Variants in MYCBP2 observed in about 807,000 individuals in gnomAD.
MYCBP2 encodes E3 ubiquitin-protein ligase MYCBP2.
A neutral mutation model predicts 525.3 loss-of-function variants in MYCBP2; 120 were observed. The observed-to-expected ratio is 0.23, with a 90% CI of 0.20 to 0.27. The LOEUF (loss-of-function observed/expected upper bound fraction) is 0.27, where lower values mean the gene tolerates loss of function less well. Ranked by LOEUF, MYCBP2 falls within the 10% of genes least tolerant of loss-of-function variation. The pLI is 1.00. For synonymous variants in MYCBP2, 1,894 were observed against 1,955.8 expected (o/e 0.97, Z 0.83); for missense variants, 4,149 against 5,657.1 (o/e 0.73, Z 8.55).
At chr13:77,262,030 T>A (rs375263043) in intron 11 of MYCBP2, 23 bp downstream of exon 11, 2 of 1,593,968 alleles carry the variant, frequency 1.3e-6, no homozygotes, top group Non-Finnish European at 1.7e-6. Flanking sequence ...ATGCTCATTT[T>A]TAATCCAAAG....
chr13:77,084,437 T>C (rs1168900944), intron 62 of MYCBP2, among the ~76,000 whole-genome samples: 3 of 152,220 alleles, frequency 2.0e-5, no homozygotes, highest in Admixed American at 1.3e-4. Flanking sequence ...CTTCTACTGA[T>C]ATAGAAGTTC....
At chr13:77,139,437 G>A in intron 51 of MYCBP2, 101 bp from the exon 52 acceptor site, 4 of 1,263,430 alleles carry the variant, frequency 3.2e-6, no homozygotes, top group South Asian at 3.9e-5. Flanking sequence ...TGGTGCATGT[G>A]CAGATTAAGC....
intron 1 of MYCBP2, among the ~76,000 whole-genome samples, chr13:77,308,391 A>G (rs146803783): frequency 6.6e-6 from 1 of 152,296 alleles, no homozygotes; most frequent in African/African-American, 2.4e-5. Flanking sequence ...GGTTAAGAGT[A>G]CAGAATTTAG....
chr13:77,111,073 C>CAGAA lies in MYCBP2; in HGVS notation c.8140+10296_8140+10299dup, dbSNP rs1376020452. Reference sequence around the variant, plus strand: ...TAAGTAATGAGATATACTACAGGTACAGAAGTTTGAGAGAATAACAAAGTG... The same window carrying CAGAA: ...TAAGTAATGAGATATACTACAGGTACAGAAAGAAGTTTGAGAGAATAACAAAGTG... On this transcript the variant is annotated intron_variant, in intron 55 of 82. Transcript: ENST00000544440. Among the ~76,000 whole-genome samples, 3 of 152,068 alleles carry CAGAA rather than the reference C, an allele frequency of 2.0e-5. No individual in the cohort carries two copies. The South Asian group carries it at 6.2e-4, about 32-fold the overall frequency.
chr13:77,242,465 A>G (rs980056375), intron 17 of MYCBP2, among the ~76,000 whole-genome samples: 5 of 152,170 alleles, frequency 3.3e-5, no homozygotes, highest in Non-Finnish European at 1.5e-5. Flanking sequence ...AACAATGAGG[A>G]AAAGATAAAC....
chr13:77,294,557 C>T (rs546205923), intron 2 of MYCBP2, among the ~76,000 whole-genome samples: 1 of 152,248 alleles, frequency 6.6e-6, no homozygotes, highest in Non-Finnish European at 1.5e-5. Context: ...CTTCTCCTCA[C>T]CTCTTCCTGG....
At chr13:77,092,393 GACT>G (rs1384224971) in intron 59 of MYCBP2, 1 of 151,842 alleles carries the variant, frequency 6.6e-6, no homozygotes, top group East Asian at 1.9e-4. Context: ...GTCACTGTGA[GACT>G]ACCTTTGCAT....
chr13:77,322,162 T>C (rs1698808003), intron 1 of MYCBP2, among the ~76,000 whole-genome samples: 1 of 152,112 alleles, frequency 6.6e-6, no homozygotes, highest in African/African-American at 2.4e-5. Context: ...AATAAAATAA[T>C]CCCTGAACTT....
At chr13:77,131,199 C>A in intron 52 of MYCBP2, among the ~76,000 whole-genome samples, 1 of 152,076 alleles carries the variant, frequency 6.6e-6, no homozygotes, top group East Asian at 1.9e-4. Context: ...ATTTGACTAA[C>A]AGAAAGCTGG....
At chr13:77,246,498 A>G (rs1383606019) in intron 15 of MYCBP2, among the ~76,000 whole-genome samples, 1 of 151,642 alleles carries the variant, frequency 6.6e-6, no homozygotes, top group African/African-American at 2.4e-5. Flanking sequence ...AGAAGGAAGA[A>G]GGAAAAGAAG....
At chr13:77,178,276 TA>T (rs1377644100) in intron 34 of MYCBP2, among the ~76,000 whole-genome samples, 1 of 152,196 alleles carries the variant, frequency 6.6e-6, no homozygotes, top group Non-Finnish European at 1.5e-5. Context: ...AAAGAGATGC[TA>T]AAAATTTCAT....
intron 3 of MYCBP2, among the ~76,000 whole-genome samples, chr13:77,281,875 A>G (rs907780046): frequency 6.6e-6 from 1 of 152,224 alleles, no homozygotes; most frequent in Non-Finnish European, 1.5e-5. Context: ...TTTAGTTAAA[A>G]GGTCCTAAAA....
rs750531417 is a variant in MYCBP2, at chr13:77,098,763, T to C, written c.8391A>G (p.Thr2797=). 5 of 1,613,532 alleles carry C rather than the reference T, an allele frequency of 3.1e-6. No individual in the cohort carries two copies. The highest frequency in any genetic ancestry group is 2.2e-5 in the South Asian group (2 of 91,052). Residue 2797 remains threonine (T), a synonymous_variant, in exon 56 of 83, where the codon ACA becomes ACG. Transcript: ENST00000544440. The part of the protein sequence containing the change: ...SLSPNHNTLQ[T]LKSDGRMPSS... The stretch of plus-strand genomic sequence containing the variant: ...AAGGCATCCTCCCATCAGATTTCAA[T>C]GTCTGCAAGGTGTTATGGTTGGGGG...
At chr13:77,065,162 G>A (rs1441178264) in intron 72 of MYCBP2, among the ~76,000 whole-genome samples, 1 of 152,142 alleles carries the variant, frequency 6.6e-6, no homozygotes, top group East Asian at 1.9e-4. Context: ...ACCTTTATTT[G>A]CTACCTTGAT....
chr13:77,293,879 T>C (rs1379707507), intron 2 of MYCBP2, among the ~76,000 whole-genome samples: 1 of 152,050 alleles, frequency 6.6e-6, no homozygotes, highest in Non-Finnish European at 1.5e-5. Flanking sequence ...ACCTTGATTT[T>C]AGCTCAGTGA....
At chr13:77,232,408 A>T (rs906342875) in intron 18 of MYCBP2, among the ~76,000 whole-genome samples, 2 of 152,344 alleles carry the variant, frequency 1.3e-5, no homozygotes, top group Non-Finnish European at 2.9e-5. Context: ...ATATAAATTT[A>T]TAAATTCCTT....
chr13:77,116,173 A>G (rs928981068), intron 55 of MYCBP2, among the ~76,000 whole-genome samples: 5 of 152,004 alleles, frequency 3.3e-5, no homozygotes, highest in African/African-American at 1.2e-4. Context: ...TACAGTGTTT[A>G]CTACATAGTG....
chr13:77,135,921 C>T (rs922797168), intron 52 of MYCBP2, among the ~76,000 whole-genome samples: 3 of 151,964 alleles, frequency 2.0e-5, no homozygotes, highest in Middle Eastern at 3.4e-3. Flanking sequence ...ACTGCAACCT[C>T]TGCCTCCTGG....
At chr13:77,206,558 A>C in intron 24 of MYCBP2, 95 bp downstream of exon 24, 4 of 1,134,780 alleles carry the variant, frequency 3.5e-6, no homozygotes, top group Non-Finnish European at 4.7e-6. Flanking sequence ...TTTAACAAAC[A>C]AGACAGAATT....
Sources: gnomAD v4.1 joint callset for allele counts (sites outside exome capture counted in the v4.1 genomes callset) on GRCh38, gnomAD v4.1.1 for gene constraint, MANE v1.5 for transcripts, NCBI Gene and HGNC (gene_info 2026-07-23, HGNC 2026-07-21) for gene names.